Variants in MLLT1 observed in about 807,000 individuals in gnomAD.
The protein encoded by MLLT1 is protein ENL.
A neutral mutation model predicts 55.1 loss-of-function variants in MLLT1; 11 were observed. The ratio of observed to expected loss-of-function variants is 0.20; its 90% CI spans 0.13 to 0.33. The LOEUF (loss-of-function observed/expected upper bound fraction) is 0.33. Among genes scored for constraint, MLLT1 ranks in the 10% least tolerant of loss-of-function variants. The probability of loss-of-function intolerance (pLI) is 1.00; values close to 1 mark genes in which losing one functional copy is unlikely to be tolerated. For synonymous variants in MLLT1, 323 were observed against 320.1 expected, an observed-to-expected ratio of 1.01 and a Z score of -0.10; for missense variants, 536 against 760.6, an observed-to-expected ratio of 0.70 and a Z score of 3.47.
chr19:6,239,890 T>C (rs995593071), intron 3 of MLLT1, among the ~76,000 whole-genome samples: 2 of 152,196 alleles, frequency 1.3e-5, no homozygotes, highest in Non-Finnish European at 2.9e-5. Context: ...CAATTCCTTG[T>C]AATCTGCATA....
intron 3 of MLLT1, among the ~76,000 whole-genome samples, chr19:6,239,287 C>T (rs1398688433): frequency 6.6e-6 from 1 of 152,248 alleles, no homozygotes; most frequent in Non-Finnish European, 1.5e-5. Flanking sequence ...TCCCTGAAAT[C>T]CCACGTCCAG....
chr19:6,217,814 C>G, intron 7 of MLLT1, 140 bp downstream of exon 7: 7 of 1,256,878 alleles, frequency 5.6e-6, no homozygotes, highest in Non-Finnish European at 5.3e-6. Flanking sequence ...ATAGACTCCC[C>G]CAGGCCACCA....
At chr19:6,244,747 A>G (rs1432689543) in intron 3 of MLLT1, among the ~76,000 whole-genome samples, 10 of 152,186 alleles carry the variant, frequency 6.6e-5, no homozygotes, top group Admixed American at 5.2e-4. Context: ...CAGCTAACCC[A>G]ATTTTTTTTA....
In MLLT1 at chr19:6,225,485, G is replaced by T. The variant is rs569944938; in HGVS notation, c.546+1492C>A. Reference sequence around the variant, plus strand: ...CTGTGCCACCCAGGGCTCCATGGTGGGGCCGACAGCTCATTCGCCAGGCTA... The same window carrying T: ...CTGTGCCACCCAGGGCTCCATGGTGTGGCCGACAGCTCATTCGCCAGGCTA... On this transcript the variant is annotated intron_variant, in intron 5 of 11. Coordinates refer to ENST00000252674, the MANE Select transcript of MLLT1 (RefSeq NM_005934.4). Among the ~76,000 whole-genome samples, 7 of 152,318 alleles carry T rather than the reference G, an allele frequency of 4.6e-5. No homozygotes were observed. In the East Asian group the frequency reaches 1.4e-3, roughly 29 times the overall value.
chr19:6,268,633 A>G (rs2091368699), intron 2 of MLLT1, among the ~76,000 whole-genome samples: 1 of 152,156 alleles, frequency 6.6e-6, no homozygotes, highest in Non-Finnish European at 1.5e-5. Flanking sequence ...GTTTTATTCA[A>G]TGCCACAGAG....
chr19:6,269,976 G>C (rs536125284), intron 2 of MLLT1, among the ~76,000 whole-genome samples: 1 of 152,046 alleles, frequency 6.6e-6, no homozygotes, highest in South Asian at 2.1e-4. Flanking sequence ...CCTTTCCCTA[G>C]GGCTCACTTC....
chr19:6,216,810 G>A (rs139529483), intron 7 of MLLT1: 19 of 402,876 alleles, frequency 4.7e-5, no homozygotes, highest in African/African-American at 2.5e-4. Flanking sequence ...TGCTGCAGCC[G>A]GAGGAGAACC....
In MLLT1 at chr19:6,263,776, C is replaced by T. The variant is rs1389808755; in HGVS notation, c.194-1466G>A. Among the ~76,000 whole-genome samples the T allele has an allele frequency of 4.6e-5, 7 of 152,176 alleles. No homozygotes were observed. In the East Asian group the frequency reaches 7.7e-4, roughly 17 times the overall value. On this transcript the variant is annotated intron_variant, in intron 2 of 11. Transcript: ENST00000252674. ...GAAAGGCAGAAGTCGGACGAGGACACGATGGGCAAGGGGCAGGACAAGGAG... is the reference window on the plus strand; with the variant it reads ...GAAAGGCAGAAGTCGGACGAGGACATGATGGGCAAGGGGCAGGACAAGGAG...
chr19:6,244,330 A>G (rs1445981106), intron 3 of MLLT1, among the ~76,000 whole-genome samples: 1 of 152,048 alleles, frequency 6.6e-6, no homozygotes, highest in Non-Finnish European at 1.5e-5. Context: ...GAATGGAAGA[A>G]AAGCAATTCC....
chr19:6,232,288 A>G (rs1259373583), intron 3 of MLLT1, among the ~76,000 whole-genome samples: 2 of 152,180 alleles, frequency 1.3e-5, no homozygotes, highest in South Asian at 2.1e-4. Context: ...TCATGTCCTA[A>G]CATTATGGGC....
rs558117038 is a variant in MLLT1 at position 6,214,956 on chromosome 19, C to T, written c.1308-918G>A. ...GCCCCTCAGTGGCCTCAGGCTGGGG[C>T]CACTCTCTGCAGCTGCCTCCCGGCT... On this transcript the variant is annotated intron_variant, in intron 8 of 11. Coordinates refer to ENST00000252674, the MANE Select transcript of MLLT1 (RefSeq NM_005934.4). 6.6e-5 allele frequency among the ~76,000 whole-genome samples: 10 copies of T among 152,282 alleles called. No individual in the cohort carries two copies. In the East Asian group the frequency reaches 1.9e-3, roughly 30 times the overall value.
rs1438571867 is a variant in MLLT1 at position 6,222,736 on chromosome 19, T to C, written c.547-52A>G. ...AGGGGAGAGACAAGGTCACGTGGCA[T>C]TGCGGGGCGCCCTGCTCCGCCACCC... On this transcript the variant is annotated intron_variant, in intron 5 of 11. Transcript: ENST00000252674. This position sits in a 1 kb window ranked among gnomAD's most constrained non-coding sequence, Gnocchi z 4.1. The C allele has an allele frequency of 1.4e-6, 2 of 1,455,618 alleles. No individual in the cohort carries two copies. Among genetic ancestry groups the C allele is most frequent in the East Asian group, 2.4e-5 (1 of 41,380 alleles). The allele number at this position is 1,455,618 out of a possible 1,614,324, so 90.2% of individuals were successfully genotyped here.
chr19:6,269,317 C>T (rs190821151), intron 2 of MLLT1, among the ~76,000 whole-genome samples: 4 of 152,364 alleles, frequency 2.6e-5, no homozygotes, highest in East Asian at 1.9e-4. Context: ...GAAGAAAACG[C>T]GATCCTGCGC....
chr19:6,233,119 G>C (rs887439065), intron 3 of MLLT1, among the ~76,000 whole-genome samples: 3 of 152,192 alleles, frequency 2.0e-5, no homozygotes, highest in East Asian at 1.9e-4. Flanking sequence ...GACAGACCAA[G>C]GGGCTCGAGG....
At position 6,262,108 on chromosome 19, in the gene MLLT1, A is replaced by C; in HGVS notation, c.276+120T>G. ...GTGACCAGCACCCCCCGCAGCACTC[A>C]CTGGAATGTCTGTGCATGGGCAGCG... On this transcript the variant is annotated intron_variant, in intron 3 of 11. Coordinates refer to ENST00000252674, the MANE Select transcript of MLLT1 (RefSeq NM_005934.4). This position sits in a 1 kb window ranked among gnomAD's most constrained non-coding sequence, Gnocchi z 4.4. 1 of 764,698 alleles carries C rather than the reference A, an allele frequency of 1.3e-6. No individual in the cohort carries two copies. The highest frequency in any genetic ancestry group is 1.5e-5 in the South Asian group (1 of 67,314). 47.4% of individuals were successfully genotyped at this position (764,698 alleles called of 1,614,324 possible). A position where few individuals can be genotyped will look rare whatever the true frequency, so the allele number is the denominator to read the frequency against.
At position 6,270,905 on chromosome 19, in the gene MLLT1, T is replaced by G. The variant is rs1250390274; in HGVS notation, c.13-146A>C. Reference sequence around the variant, plus strand: ...TGAGCAGCACACAGACGGCTTCCTATCGCGCCAGCACCTTGCCGCAGACGT... The same window carrying G: ...TGAGCAGCACACAGACGGCTTCCTAGCGCGCCAGCACCTTGCCGCAGACGT... On this transcript the variant is annotated intron_variant, in intron 1 of 11. Coordinates refer to ENST00000252674, the MANE Select transcript of MLLT1 (RefSeq NM_005934.4). This position sits in a 1 kb window ranked among gnomAD's most constrained non-coding sequence, Gnocchi z 7.1. The G allele has an allele frequency of 4.0e-6, 3 of 754,824 alleles. No individual in the cohort carries two copies. The highest frequency in any genetic ancestry group is 3.2e-5 in the Admixed American group (1 of 31,706). The allele number at this position is 754,824 out of a possible 1,614,324, so 46.8% of individuals were successfully genotyped here.
rs2090917620 is a variant in MLLT1 at position 6,222,964 on chromosome 19, G to A, written c.547-280C>T. Among the ~76,000 whole-genome samples the A allele has an allele frequency of 6.6e-6, 1 of 152,202 alleles. No individual in the cohort carries two copies. Among genetic ancestry groups the A allele is most frequent in the Non-Finnish European group, 1.5e-5 (1 of 68,034 alleles). ...ACATTCCCTGAGGGATTCAAGAAGA[G>A]CACAGGGTGAGTCAGGCAGAGCATG... On this transcript the variant is annotated intron_variant, in intron 5 of 11. Transcript: ENST00000252674. The surrounding 1 kb of genome is among the most constrained non-coding windows in gnomAD (Gnocchi z 4.1).
In MLLT1 at chr19:6,222,606, A is replaced by G; in HGVS notation, c.625T>C (p.Ser209Pro). Residue 209 changes from serine to proline, a missense_variant, in exon 6 of 12, where the codon TCC becomes CCC. Ser to Pro is a moderately conservative substitution (Grantham distance 74). Transcript: ENST00000252674. The surrounding 1 kb of genome is among the most constrained non-coding windows in gnomAD (Gnocchi z 4.1). Reference protein sequence around the residue: ...KEHRERPRKDSESKSSSKELE... With the variant: ...KEHRERPRKDPESKSSSKELE... ...TCCTTGGAGGAGCTCTTGCTCTCGGAGTCTTTGCGGGGCCGCTCCCGGTGC... is the reference window on the plus strand; with the variant it reads ...TCCTTGGAGGAGCTCTTGCTCTCGGGGTCTTTGCGGGGCCGCTCCCGGTGC... The G allele has an allele frequency of 1.9e-6, 3 of 1,596,818 alleles. No individual in the cohort carries two copies. Among genetic ancestry groups the G allele is most frequent in the Non-Finnish European group, 2.5e-6 (3 of 1,177,502 alleles).
intron 1 of MLLT1, among the ~76,000 whole-genome samples, chr19:6,277,212 G>A (rs1211332624): frequency 6.6e-6 from 1 of 152,206 alleles, no homozygotes; most frequent in Non-Finnish European, 1.5e-5. Flanking sequence ...CTGTGAGGAA[G>A]GGACAGAACC....
Sources: gnomAD v4.1 joint callset for allele counts (sites outside exome capture counted in the v4.1 genomes callset) on GRCh38, gnomAD v4.1.1 for gene constraint, Gnocchi (gnomAD v3.1) non-coding constraint, MANE v1.5 for transcripts, NCBI Gene and HGNC (gene_info 2026-07-23, HGNC 2026-07-21) for gene names.